KLHDC8B: variants seen among roughly 807,000 people sequenced by gnomAD.
KLHDC8B encodes kelch domain-containing protein 8B.
In KLHDC8B, 19 loss-of-function variants were observed where a neutral mutation model predicts 26.3. That is an observed-to-expected ratio of 0.72 (90% confidence interval 0.50 to 1.06). The LOEUF is 1.06. Among genes scored for constraint, KLHDC8B ranks in the 50% least tolerant of loss-of-function variants. The probability of loss-of-function intolerance (pLI) is 0.00; values close to 1 mark genes in which losing one functional copy is unlikely to be tolerated. For synonymous variants in KLHDC8B, 150 were observed against 188.4 expected, an observed-to-expected ratio of 0.80 and a Z score of 1.67; for missense variants, 411 against 488.1, an observed-to-expected ratio of 0.84 and a Z score of 1.49.
rs1375504241 is a variant in KLHDC8B at position 49,174,938 on chromosome 3, C to T, written c.738C>T (p.Asn246=). ...HNFYSRPHFV[N]TVEMFDLEHG... ...TCTACTCTCGCCCACACTTTGTCAA[C>T]ACTGTGGAGATGTTTGACCTGGAGC... Residue 246 remains asparagine, a synonymous_variant, in exon 4 of 6, where the codon AAC becomes AAT. Coordinates refer to ENST00000332780, the MANE Select transcript of KLHDC8B (RefSeq NM_173546.3). 1.9e-6 allele frequency: 3 copies of T among 1,614,038 alleles called. No individual in the cohort carries two copies. The East Asian group carries it at 6.7e-5, about 36-fold the overall frequency.
chr3:49,175,780 G>A lies in KLHDC8B; in HGVS notation c.1044G>A (p.Leu348=), dbSNP rs1318881341. Residue 348 remains leucine, a synonymous_variant, in exon 6 of 6, where the codon CTG becomes CTA. Coordinates refer to ENST00000332780, the MANE Select transcript of KLHDC8B (RefSeq NM_173546.3). The stretch of plus-strand genomic sequence containing the variant: ...GCCCCAGTCAAGCCGTGGAGGCACT[G>A]TGTCTGCGTGATGGGGTCTGAAGGC... ...AQGPSQAVEA[L]CLRDGV is the part of the protein sequence containing the mutation. 3.1e-6 allele frequency: 5 copies of A among 1,613,958 alleles called. No homozygotes were observed. The highest frequency in any genetic ancestry group is 1.6e-4 in the Middle Eastern group (1 of 6,082).
At chr3:49,174,993 C>G (rs960096775) in intron 4 of KLHDC8B, 27 bp downstream of exon 4, 2 of 1,613,954 alleles carry the variant, frequency 1.2e-6, no homozygotes, top group South Asian at 1.1e-5. Context: ...CTGGGCTGTC[C>G]TCCCGCTCTC....
chr3:49,174,331 T>C lies in KLHDC8B; in HGVS notation c.469T>C (p.Ser157Pro), dbSNP rs1027025601. 3.7e-6 allele frequency: 6 copies of C among 1,613,882 alleles called. No individual in the cohort carries two copies. In the African/African-American group the frequency reaches 6.7e-5, roughly 18 times the overall value. Residue 157 changes from serine (S) to proline (P), a missense_variant, in exon 3 of 6, where the codon TCG (serine) becomes CCG (proline). By Grantham distance (74) the Ser-to-Pro change is moderately conservative. Coordinates refer to ENST00000332780, the MANE Select transcript of KLHDC8B (RefSeq NM_173546.3). ...VYEPRRDCWL[S>P]LPSMPTPCYG... ...TGAGCCCCGTCGGGACTGCTGGCTT[T>C]CGCTACCCTCCATGCCCACACCCTG...
chr3:49,174,081 C>T, intron 2 of KLHDC8B, 158 bp from the exon 3 acceptor site: 1 of 521,726 alleles, frequency 1.9e-6, no homozygotes, highest in South Asian at 3.2e-5. Flanking sequence ...CCAGATCTCC[C>T]AGCCCCCACT....
Position 49,175,094 on chromosome 3 carries a change from A to G in KLHDC8B, c.799A>G (p.Met267Val). ...SWTKLPRSLRMRDKRADFVVG... is the reference protein window; with the variant it reads ...SWTKLPRSLRVRDKRADFVVG... ...GACCAAATTGCCCCGCAGCCTGCGC[A>G]TGAGGGATAAGAGGGCAGACTTTGT... Residue 267 changes from methionine to valine, a missense_variant, in exon 5 of 6, where the codon ATG becomes GTG. By Grantham distance (21) the Met-to-Val change is conservative (BLOSUM62 1). Transcript: ENST00000332780. 1 of 1,614,154 alleles carries G rather than the reference A, an allele frequency of 6.2e-7. No individual in the cohort carries two copies. The highest frequency in any genetic ancestry group is 8.5e-7 in the Non-Finnish European group (1 of 1,180,016).
At position 49,172,761 on chromosome 3, in the gene KLHDC8B, G is replaced by T. The variant is rs2045778895; in HGVS notation, c.-9G>T. 2 of 1,607,108 alleles carry T rather than the reference G, an allele frequency of 1.2e-6. No individual in the cohort carries two copies. The highest frequency in any genetic ancestry group is 1.7e-6 in the Non-Finnish European group (2 of 1,176,302). On this transcript the variant is annotated 5_prime_UTR_variant, in exon 2 of 6. Coordinates refer to ENST00000332780, the MANE Select transcript of KLHDC8B (RefSeq NM_173546.3). ...CAGACAGCATGGCCTGCCACTGGCAGTGAACACCATGTCTGCAGGAGGTGG... is the reference window on the plus strand; with the variant it reads ...CAGACAGCATGGCCTGCCACTGGCATTGAACACCATGTCTGCAGGAGGTGG...
At position 49,174,618 on chromosome 3, in the gene KLHDC8B, T is replaced by C. The variant is rs1275679545; in HGVS notation, c.542-124T>C. 14 of 1,346,572 alleles carry C rather than the reference T, an allele frequency of 1.0e-5. No homozygotes were observed. The East Asian group carries it at 3.2e-4, about 31-fold the overall frequency. The allele number at this position is 1,346,572 out of a possible 1,614,324, so 83.4% of individuals were successfully genotyped here. On this transcript the variant is annotated intron_variant, in intron 3 of 5. Coordinates refer to ENST00000332780, the MANE Select transcript of KLHDC8B (RefSeq NM_173546.3). The stretch of plus-strand genomic sequence containing the variant: ...ACCTGAGGGACTGTAGGGTGGATGA[T>C]TCATGTGCAAGTGTGCACACAGCAG...
chr3:49,173,188 C>G (rs2045785927), intron 2 of KLHDC8B, 43 bp downstream of exon 2: 1 of 1,513,696 alleles, frequency 6.6e-7, no homozygotes, highest in African/African-American at 1.4e-5. Flanking sequence ...ACCCTAACAC[C>G]TTTTATTATT....
At chr3:49,171,966 C>T (rs1237722983) in intron 1 of KLHDC8B, among the ~76,000 whole-genome samples, 6 of 152,152 alleles carry the variant, frequency 3.9e-5, no homozygotes, top group East Asian at 1.9e-4. Flanking sequence ...TCTCCAACGG[C>T]CCCCCGCCCC....
Position 49,173,116 on chromosome 3 carries a change from C to A in KLHDC8B, c.347C>A (p.Ala116Glu), listed in dbSNP as rs865969775. Residue 116 changes from alanine to glutamate, a missense_variant, in exon 2 of 6, where the codon GCA becomes GAA. By Grantham distance (107) the Ala-to-Glu change is moderately radical (BLOSUM62 -1). Coordinates refer to ENST00000332780, the MANE Select transcript of KLHDC8B (RefSeq NM_173546.3). ...GAGCGTCGGGCCACCCTCCCTCAAGCAGCCATGGGGGTTGCAACTGTGGAG... is the reference window on the plus strand; with the variant it reads ...GAGCGTCGGGCCACCCTCCCTCAAGAAGCCATGGGGGTTGCAACTGTGGAG... The part of the protein sequence containing the change: ...RWERRATLPQ[A>E]AMGVATVERD... 1 of 1,576,786 alleles carries A rather than the reference C, an allele frequency of 6.3e-7. No homozygotes were observed. Among genetic ancestry groups the A allele is most frequent in the Non-Finnish European group, 8.6e-7 (1 of 1,161,526 alleles).
rs865969775 is a variant in KLHDC8B at position 49,173,116 on chromosome 3, C to T, written c.347C>T (p.Ala116Val). 2 of 1,576,786 alleles carry T rather than the reference C, an allele frequency of 1.3e-6. No individual in the cohort carries two copies. The highest frequency in any genetic ancestry group is 1.7e-6 in the Non-Finnish European group (2 of 1,161,526). ...RWERRATLPQAAMGVATVERD... is the reference protein window; with the variant it reads ...RWERRATLPQVAMGVATVERD... The stretch of plus-strand genomic sequence containing the variant: ...GAGCGTCGGGCCACCCTCCCTCAAG[C>T]AGCCATGGGGGTTGCAACTGTGGAG... The change falls in exon 2 of 6, where the codon GCA becomes GTA. Residue 116 changes from alanine (A) to valine (V), a missense_variant. By Grantham distance (64) the Ala-to-Val change is moderately conservative (BLOSUM62 0). Transcript: ENST00000332780.
At chr3:49,174,485 C>A in intron 3 of KLHDC8B, 82 bp downstream of exon 3, 1 of 1,458,176 alleles carries the variant, frequency 6.9e-7, no homozygotes, top group Non-Finnish European at 9.4e-7. Flanking sequence ...AGGGATCAGG[C>A]TCAGTCCAGG....
intron 2 of KLHDC8B, among the ~76,000 whole-genome samples, chr3:49,174,034 C>G (rs1272903050): frequency 6.6e-6 from 1 of 152,108 alleles, no homozygotes; most frequent in African/African-American, 2.4e-5. Flanking sequence ...CTGCCTCCTG[C>G]TCTTTACTCG....
rs746893535 is a variant in KLHDC8B at position 49,174,299 on chromosome 3, G to A, written c.437G>A (p.Arg146His). 23 of 1,613,950 alleles carry A rather than the reference G, an allele frequency of 1.4e-5. No individual in the cohort carries two copies. In the East Asian group the frequency reaches 3.8e-4, roughly 27 times the overall value. ...GPDTAPQAQV[R>H]VYEPRRDCWL... ...GACACGGCCCCCCAGGCCCAGGTAC[G>A]TGTGTATGAGCCCCGTCGGGACTGC... The change falls in exon 3 of 6, where the codon CGT (arginine) becomes CAT (histidine). Residue 146 changes from arginine (R) to histidine (H), a missense_variant. Arg to His is a conservative substitution (Grantham distance 29). Transcript: ENST00000332780.
chr3:49,175,042 T>C lies in KLHDC8B; in HGVS notation c.767-20T>C, dbSNP rs1210077508. 6.2e-7 allele frequency: 1 copy of C among 1,613,816 alleles called. No homozygotes were observed. Among genetic ancestry groups the C allele is most frequent in the Non-Finnish European group, 8.5e-7 (1 of 1,179,888 alleles). ...GGCATAGTGTGTACATGACTAGATC[T>C]GACCTCCCCTCTCCTGCAGGGTCCT... is the stretch of plus-strand genomic sequence containing the variant. On this transcript the variant is annotated intron_variant, in intron 4 of 5. Coordinates refer to ENST00000332780, the MANE Select transcript of KLHDC8B (RefSeq NM_173546.3).
intron 2 of KLHDC8B, 35 bp downstream of exon 2, chr3:49,173,180 C>T (rs987249883): frequency 6.5e-7 from 1 of 1,527,902 alleles, no homozygotes; most frequent in African/African-American, 1.4e-5. Context: ...CTTCAGGTAC[C>T]CTAACACCTT....
At chr3:49,175,303 A>G in intron 5 of KLHDC8B, 140 bp downstream of exon 5, 2 of 698,882 alleles carry the variant, frequency 2.9e-6, no homozygotes, top group Non-Finnish European at 4.7e-6. Flanking sequence ...TCTATGAAGT[A>G]GGCAGGATGT....
chr3:49,172,537 A>G (rs1240470968), intron 1 of KLHDC8B, 99 bp from the exon 2 acceptor site: 5 of 558,934 alleles, frequency 8.9e-6, no homozygotes, highest in Non-Finnish European at 9.6e-6. Context: ...CTTTCCCACC[A>G]GTGATTTTGG....
At chr3:49,175,265 G>A in intron 5 of KLHDC8B, 102 bp downstream of exon 5, 2 of 920,608 alleles carry the variant, frequency 2.2e-6, no homozygotes, top group Admixed American at 2.6e-5. Flanking sequence ...CACTCCAGGG[G>A]TCAGGGCTTT....
Sources: allele counts gnomAD v4.1 joint callset (sites outside exome capture counted in the v4.1 genomes callset), GRCh38; gene constraint gnomAD v4.1.1; transcripts MANE v1.5; gene names NCBI Gene and HGNC (gene_info 2026-07-23, HGNC 2026-07-21).